TMEM196: variants seen among roughly 807,000 people sequenced by gnomAD.
The protein encoded by TMEM196 is transmembrane protein 196.
Under a neutral mutation model 20.0 loss-of-function variants are expected in TMEM196, and 17 were observed. The observed-to-expected ratio is 0.85, with a 90% CI of 0.58 to 1.27. The LOEUF (loss-of-function observed/expected upper bound fraction) is 1.27, where lower values mean the gene tolerates loss of function less well. Among genes scored for constraint, TMEM196 ranks in the 50% most tolerant of loss-of-function variants. The pLI, the probability that TMEM196 is intolerant of heterozygous loss-of-function variation, is 0.00. For missense variants in TMEM196, 267 were observed against 223.0 expected (o/e 1.20, Z -1.26); for synonymous variants, 113 against 88.9 (o/e 1.27, Z -1.52).
chr7:19,751,230 G>A (rs1251528007), intron 1 of TMEM196, among the ~76,000 whole-genome samples: 2 of 152,176 alleles, frequency 1.3e-5, no homozygotes, highest in Non-Finnish European at 2.9e-5. Flanking sequence ...GGGGAGAGAG[G>A]TATCTGCAAT....
chr7:19,724,296 G>C lies in TMEM196; in HGVS notation c.517C>G (p.Pro173Ala). Residue 173 changes from proline to alanine, a missense_variant, in exon 4 of 5, where the codon CCA becomes GCA. Physicochemically the swap from Pro to Ala is conservative, Grantham distance 27. Transcript: ENST00000405844. The part of the protein sequence containing the change: ...LPSCPVVPPT[P>A]ELPTRK ...TCAGCGTACCTTGTAGGTAACTCTG[G>C]TGTCGGGGGCACCACCGGGCAGCTG... The C allele has an allele frequency of 1.9e-6, 3 of 1,550,292 alleles. No individual in the cohort carries two copies. Among genetic ancestry groups the C allele is most frequent in the South Asian group, 1.2e-5 (1 of 84,048 alleles).
Position 19,773,343 on chromosome 7 carries a change from A to AT in TMEM196, c.-648dup, listed in dbSNP as rs1017287586. 4 of 154,250 alleles carry AT rather than the reference A, an allele frequency of 2.6e-5. No homozygotes were observed. The highest frequency in any genetic ancestry group is 9.6e-5 in the African/African-American group (4 of 41,478). The allele number at this position is 154,250 out of a possible 1,614,324, so 9.6% of individuals were successfully genotyped here. On this transcript the variant is annotated 5_prime_UTR_variant, in exon 1 of 5. An upstream open reading frame in the 5' UTR loses its in-frame stop. Transcript: ENST00000405844. ...TCGCCAGAAAAAGCGACCTTGTCTG[A>AT]TGGCCTCTTTCCGTCTGGGTTTCTT...
chr7:19,767,023 A>G (rs1785659389), intron 1 of TMEM196, among the ~76,000 whole-genome samples: 1 of 152,120 alleles, frequency 6.6e-6, no homozygotes, highest in Non-Finnish European at 1.5e-5. Flanking sequence ...ACTGATGCAA[A>G]TATTATTAGT....
At chr7:19,733,584 C>A (rs1443257708) in intron 1 of TMEM196, among the ~76,000 whole-genome samples, 1 of 151,268 alleles carries the variant, frequency 6.6e-6, no homozygotes, top group South Asian at 2.1e-4. Context: ...AGAAGGGTAG[C>A]AAAGCTTCTC....
At chr7:19,746,501 G>A (rs1784755524) in intron 1 of TMEM196, among the ~76,000 whole-genome samples, 1 of 152,188 alleles carries the variant, frequency 6.6e-6, no homozygotes, top group Non-Finnish European at 1.5e-5. Flanking sequence ...ATTCATCTTT[G>A]ATAAAACAAG....
At chr7:19,736,353 C>CCATATATATATA (rs1784400863) in intron 1 of TMEM196, among the ~76,000 whole-genome samples, 2 of 38,014 alleles carry the variant, frequency 5.3e-5, no homozygotes, top group Admixed American at 3.1e-4. Context: ...GTGGTTCCTA[C>CCATATATATATA]TATATATATA....
intron 1 of TMEM196, among the ~76,000 whole-genome samples, chr7:19,731,690 G>C (rs1784209101): frequency 6.6e-6 from 1 of 152,238 alleles, no homozygotes; most frequent in Non-Finnish European, 1.5e-5. Context: ...AGGAGCATAA[G>C]CAGAGTTCTC....
At position 19,740,551 on chromosome 7, in the gene TMEM196, C is replaced by T. The variant is rs948692946; in HGVS notation, c.148-11113G>A. Among the ~76,000 whole-genome samples the T allele has an allele frequency of 3.3e-5, 5 of 151,978 alleles. No individual in the cohort carries two copies. The East Asian group carries it at 7.7e-4, about 23-fold the overall frequency. On this transcript the variant is annotated intron_variant, in intron 1 of 4. Coordinates refer to ENST00000405844, the MANE Select transcript of TMEM196 (RefSeq NM_001363562.2). ...TAAATATTAAGAAAAAATAGCCCAT[C>T]AAGATTCATTGTTATTCAGTTTTGT...
rs147756241 is a variant in TMEM196 at position 19,734,154 on chromosome 7, G to A, written c.148-4716C>T. On this transcript the variant is annotated intron_variant, in intron 1 of 4. Coordinates refer to ENST00000405844, the MANE Select transcript of TMEM196 (RefSeq NM_001363562.2). ...AATGTGAAGACTATTTTGCACCACA[G>A]ATAATCACAGCCAAACAACATTTAG... Among the ~76,000 whole-genome samples, 519 of 152,248 alleles carry A rather than the reference G, an allele frequency of 3.4e-3. 6 individuals are homozygous for A. The highest frequency in any genetic ancestry group is 0.012 in the African/African-American group (503 of 41,542).
intron 1 of TMEM196, among the ~76,000 whole-genome samples, chr7:19,740,393 G>C (rs1251852220): frequency 6.6e-6 from 1 of 152,090 alleles, no homozygotes; most frequent in Non-Finnish European, 1.5e-5. Flanking sequence ...GAGGAGTGAT[G>C]GCAACCTGAT....
chr7:19,746,286 G>A (rs1005821900), intron 1 of TMEM196, among the ~76,000 whole-genome samples: 17 of 152,302 alleles, frequency 1.1e-4, no homozygotes, highest in African/African-American at 4.1e-4. Context: ...AATGTTTAGG[G>A]AGTCAGTAAA....
At position 19,720,382 on chromosome 7, in the gene TMEM196, A is replaced by T. The variant is rs1326427123; in HGVS notation, c.*1746T>A. ...CTTCAAATTTTCATTAACTTGAATG[A>T]TCATTACTGTGTTAGCACAATTAAA... On this transcript the variant is annotated 3_prime_UTR_variant, in exon 5 of 5. Transcript: ENST00000405844. 1 of 152,030 alleles carries T rather than the reference A, an allele frequency of 6.6e-6. No individual in the cohort carries two copies. Among genetic ancestry groups the T allele is most frequent in the Non-Finnish European group, 1.5e-5 (1 of 67,880 alleles). 9.4% of individuals were successfully genotyped at this position (152,030 alleles called of 1,614,324 possible).
chr7:19,726,808 A>G (rs974790507), intron 2 of TMEM196, among the ~76,000 whole-genome samples: 9 of 152,280 alleles, frequency 5.9e-5, no homozygotes, highest in South Asian at 2.1e-4. Flanking sequence ...CTTTCATGAT[A>G]CTTTGTACTA....
At chr7:19,722,630 A>G in intron 4 of TMEM196, among the ~76,000 whole-genome samples, 1 of 152,172 alleles carries the variant, frequency 6.6e-6, no homozygotes, top group Non-Finnish European at 1.5e-5. Flanking sequence ...AAAAAATCAT[A>G]GTGGGAAAGA....
At chr7:19,764,290 A>G (rs540918227) in intron 1 of TMEM196, among the ~76,000 whole-genome samples, 176 of 152,332 alleles carry the variant, frequency 1.2e-3, no homozygotes, top group Middle Eastern at 6.8e-3. Flanking sequence ...ATGATTGTCA[A>G]GTTCTGCCCT....
At chr7:19,770,548 C>G (rs1427199054) in intron 1 of TMEM196, among the ~76,000 whole-genome samples, 1 of 152,178 alleles carries the variant, frequency 6.6e-6, no homozygotes, top group Admixed American at 6.5e-5. Flanking sequence ...AAGTGAGCAA[C>G]TGTTTGGTCA....
At position 19,759,340 on chromosome 7, in the gene TMEM196, T is replaced by C. The variant is rs1294942612; in HGVS notation, c.147+13210A>G. Among the ~76,000 whole-genome samples, 20 of 152,348 alleles carry C rather than the reference T, an allele frequency of 1.3e-4. No individual in the cohort carries two copies. In the South Asian group the frequency reaches 3.9e-3, roughly 30 times the overall value. On this transcript the variant is annotated intron_variant, in intron 1 of 4. Transcript: ENST00000405844. ...ACTCTTTTGGTCCTCAGCATATCTC[T>C]CTGGCCAAACTTCTCAGTACCTTTT...
intron 1 of TMEM196, among the ~76,000 whole-genome samples, chr7:19,736,746 G>A (rs1004159570): frequency 4.0e-5 from 6 of 151,814 alleles, no homozygotes; most frequent in Non-Finnish European, 7.4e-5. Flanking sequence ...CAGATAAACC[G>A]CTCTTCAAGG....
chr7:19,748,880 C>A (rs1041641799), intron 1 of TMEM196, among the ~76,000 whole-genome samples: 1 of 151,986 alleles, frequency 6.6e-6, no homozygotes, highest in African/African-American at 2.4e-5. Context: ...TCCTTAAAAT[C>A]ATGTTTTCTT....
Sources: gnomAD v4.1 joint callset for allele counts (sites outside exome capture counted in the v4.1 genomes callset) on GRCh38, gnomAD v4.1.1 for gene constraint, MANE v1.5 for transcripts, NCBI Gene and HGNC (gene_info 2026-07-23, HGNC 2026-07-21) for gene names.